The following MAG variants were observed in gnomAD, a reference collection of about 807,000 sequenced individuals.
The protein encoded by MAG is myelin-associated glycoprotein.
Under a neutral mutation model 60.7 loss-of-function variants are expected in MAG, and 30 were observed. The observed-to-expected ratio is 0.49, with a 90% CI of 0.37 to 0.67. The LOEUF (loss-of-function observed/expected upper bound fraction) is 0.67, where lower values mean the gene tolerates loss of function less well. Ranked by LOEUF, MAG falls within the 30% of genes least tolerant of loss-of-function variation. MAG has a pLI of 0.00. For synonymous variants in MAG, 384 were observed against 376.8 expected, an observed-to-expected ratio of 1.02 and a Z score of -0.22; for missense variants, 795 against 851.7, an observed-to-expected ratio of 0.93 and a Z score of 0.83.
chr19:35,313,150 T>C, intron 10 of MAG, 140 bp from the exon 11 acceptor site: 3 of 839,982 alleles, frequency 3.6e-6, no homozygotes, highest in Non-Finnish European at 5.2e-6. Context: ...TCGCTGGGCC[T>C]GCGGTCCTTG....
chr19:35,298,616 C>G (rs986771963), intron 4 of MAG, among the ~76,000 whole-genome samples: 10 of 151,422 alleles, frequency 6.6e-5, no homozygotes, highest in African/African-American at 2.4e-4. Context: ...ACTACCCACA[C>G]ACCACACACA....
chr19:35,306,766 C>T (rs567225778), intron 7 of MAG, among the ~76,000 whole-genome samples: 9 of 152,204 alleles, frequency 5.9e-5, no homozygotes, highest in Non-Finnish European at 1.0e-4. Context: ...AACACACTTG[C>T]GCGCCTATCT....
intron 4 of MAG, among the ~76,000 whole-genome samples, chr19:35,298,827 T>C (rs919133363): frequency 1.4e-5 from 2 of 141,090 alleles, no homozygotes; most frequent in Non-Finnish European, 3.1e-5. Context: ...ATACATGTAC[T>C]ACCCACACAT....
Position 35,307,186 on chromosome 19 carries a change from C to T in MAG, c.1232-2688C>T, listed in dbSNP as rs550498001. Reference sequence around the variant, plus strand: ...ACTCCGTGGCGTGTTAGCTGGTTAACGCTATAGCAAGCATATTGCAGCTCT... The same window carrying T: ...ACTCCGTGGCGTGTTAGCTGGTTAATGCTATAGCAAGCATATTGCAGCTCT... On this transcript the variant is annotated intron_variant, in intron 7 of 10. Transcript: ENST00000392213. Among the ~76,000 whole-genome samples the T allele has an allele frequency of 5.3e-5, 8 of 152,352 alleles. No homozygotes were observed. In the South Asian group the frequency reaches 1.0e-3, roughly 20 times the overall value.
intron 7 of MAG, among the ~76,000 whole-genome samples, chr19:35,303,356 A>G (rs2066462698): frequency 1.3e-5 from 2 of 152,196 alleles, no homozygotes; most frequent in African/African-American, 2.4e-5. Context: ...GAAGCGCTGT[A>G]CAGCAACCCA....
At position 35,313,751 on chromosome 19, in the gene MAG, A is replaced by C. The variant is rs2066547009; in HGVS notation, c.*297A>C. On this transcript the variant is annotated 3_prime_UTR_variant, in exon 11 of 11. Coordinates refer to ENST00000392213, the MANE Select transcript of MAG (RefSeq NM_002361.4). ...ACTTCCTGCCTGGTCTCCTGCCCCCACACCTGGCCCTGGGGCCTGTACAAA... is the reference window on the plus strand; with the variant it reads ...ACTTCCTGCCTGGTCTCCTGCCCCCCCACCTGGCCCTGGGGCCTGTACAAA... 6.9e-6 allele frequency: 2 copies of C among 288,548 alleles called. No individual in the cohort carries two copies. The highest frequency in any genetic ancestry group is 2.2e-5 in the African/African-American group (1 of 45,964). 17.9% of individuals were successfully genotyped at this position (288,548 alleles called of 1,614,324 possible). A position where few individuals can be genotyped will look rare whatever the true frequency, so the allele number is the denominator to read the frequency against.
intron 7 of MAG, among the ~76,000 whole-genome samples, chr19:35,308,366 G>A (rs1271429308): frequency 6.6e-6 from 1 of 152,250 alleles, no homozygotes; most frequent in Non-Finnish European, 1.5e-5. Flanking sequence ...GGCTGGAAAG[G>A]ACTAAGCCAG....
At chr19:35,302,419 C>T (rs2066454998) in intron 6 of MAG, 29 bp from the exon 7 acceptor site, 1 of 1,610,328 alleles carries the variant, frequency 6.2e-7, no homozygotes. Context: ...CTCCTGGGTT[C>T]TGACCATCAG....
intron 4 of MAG, among the ~76,000 whole-genome samples, chr19:35,296,777 C>T (rs955059428): frequency 6.6e-6 from 1 of 151,832 alleles, no homozygotes; most frequent in Non-Finnish European, 1.5e-5. Flanking sequence ...AGAAATCACA[C>T]ACTACACACT....
At position 35,300,217 on chromosome 19, in the gene MAG, TG is replaced by T; in HGVS notation, c.787del (p.Ala263LeufsTer9). On this transcript the variant is annotated frameshift_variant, in exon 6 of 11. Coordinates refer to ENST00000392213, the MANE Select transcript of MAG (RefSeq NM_002361.4). LOFTEE classifies it high-confidence loss of function. The part of the protein sequence containing the change: ...IEGSHVSLLC[G>X]ADSNPPPLLT... ...AGGGCTCCCACGTGAGCCTGCTCTG[TG>T]GGGCTGACAGCAACCCCCCGCCGCT... The T allele has an allele frequency of 6.3e-7, 1 of 1,585,086 alleles. No homozygotes were observed.
At position 35,299,778 on chromosome 19, in the gene MAG, A is replaced by C; in HGVS notation, c.640A>C (p.Arg214=). The C allele has an allele frequency of 6.5e-7, 1 of 1,546,828 alleles. No homozygotes were observed. Residue 214 remains arginine (R), a synonymous_variant, in exon 5 of 11, where the codon AGG becomes CGG. Coordinates refer to ENST00000392213, the MANE Select transcript of MAG (RefSeq NM_002361.4). ...FVPTREANGH[R]LGCQASFPNT... ...GCCCACGAGGGAGGCCAACGGCCAC[A>C]GGCTGGGCTGCCAGGCCTCCTTCCC... is the stretch of plus-strand genomic sequence containing the variant.
chr19:35,302,144 A>G (rs1285494964), intron 6 of MAG, among the ~76,000 whole-genome samples: 1 of 152,170 alleles, frequency 6.6e-6, no homozygotes, highest in African/African-American at 2.4e-5. Context: ...TTGGATGATC[A>G]CCCCTATGAG....
At position 35,310,549 on chromosome 19, in the gene MAG, C is replaced by T. The variant is rs2066519362; in HGVS notation, c.1522C>T (p.Arg508Ter). Residue 508 changes from arginine (R) to a stop codon, truncating the protein, a stop_gained and splice_region_variant, in exon 9 of 11, where the codon CGA becomes TGA. Transcript: ENST00000392213. LOFTEE classifies it high-confidence loss of function. ...SLELPFQGAHRLMWAKIGPVG... is the reference protein window; with the variant it reads ...SLELPFQGAH ...GCCTGGGTCTTTTCTGTCCTCAGAT[C>T]GACTGATGTGGGCCAAGATCGGGCC... is the stretch of plus-strand genomic sequence containing the variant. 6.2e-7 allele frequency: 1 copy of T among 1,614,112 alleles called. No homozygotes were observed. The highest frequency in any genetic ancestry group is 8.5e-7 in the Non-Finnish European group (1 of 1,179,994).
intron 4 of MAG, among the ~76,000 whole-genome samples, chr19:35,298,788 C>T (rs1246737377): frequency 6.9e-6 from 1 of 145,434 alleles, no homozygotes; most frequent in Non-Finnish European, 1.5e-5. Flanking sequence ...ACGACCCAAA[C>T]TACACAACAC....
rs2066516118 is a variant in MAG, at chr19:35,310,113, A to C, written c.1471A>C (p.Arg491=). 1 of 1,612,118 alleles carries C rather than the reference A, an allele frequency of 6.2e-7. No individual in the cohort carries two copies. Among genetic ancestry groups the C allele is most frequent in the South Asian group, 1.1e-5 (1 of 91,002 alleles). The change falls in exon 8 of 11, where the codon AGG becomes CGG. Residue 491 remains arginine (R), a synonymous_variant. Coordinates refer to ENST00000392213, the MANE Select transcript of MAG (RefSeq NM_002361.4). ...CCCGCCCCGCGTCATCTGCACCGCGAGGAACCTCTATGGCGCCAAGAGCCT... is the reference window on the plus strand; with the variant it reads ...CCCGCCCCGCGTCATCTGCACCGCGCGGAACCTCTATGGCGCCAAGAGCCT... ...QAPPRVICTA[R]NLYGAKSLEL... is the part of the protein sequence containing the mutation.
intron 7 of MAG, among the ~76,000 whole-genome samples, chr19:35,308,669 A>T (rs999707742): frequency 2.0e-5 from 3 of 152,246 alleles, no homozygotes; most frequent in Admixed American, 6.5e-5. Context: ...GGCTTTTTGC[A>T]AATTTGGCAC....
At position 35,311,314 on chromosome 19, in the gene MAG, A is replaced by G. The variant is rs1038887877; in HGVS notation, c.1617-604A>G. Among the ~76,000 whole-genome samples, 58 of 152,124 alleles carry G rather than the reference A, an allele frequency of 3.8e-4. 2 individuals carry two copies. The highest frequency in any genetic ancestry group is 5.9e-5 in the Non-Finnish European group (4 of 68,014). On this transcript the variant is annotated intron_variant, in intron 9 of 10. Coordinates refer to ENST00000392213, the MANE Select transcript of MAG (RefSeq NM_002361.4). ...GAGACCCCATCTACAAAAAAACAAA[A>G]AAATTAGCTACTAGTGGCACGTGCC...
chr19:35,298,745 C>T (rs1361893747), intron 4 of MAG, among the ~76,000 whole-genome samples: 2 of 150,630 alleles, frequency 1.3e-5, no homozygotes, highest in Admixed American at 1.3e-4. Flanking sequence ...ACACACCACA[C>T]ACACCACGTA....
rs986825704 is a variant in MAG, at chr19:35,295,659, G to A, written c.93G>A (p.Ser31=). The A allele has an allele frequency of 3.7e-6, 6 of 1,611,414 alleles. No individual in the cohort carries two copies. Among genetic ancestry groups the A allele is most frequent in the Admixed American group, 1.7e-5 (1 of 59,958 alleles). ...GTGCCTGGATGCCCTCGTCCATCTC[G>A]GCCTTCGAAGGCACGTGCGTCTCCA... ...HWGAWMPSSI[S]AFEGTCVSIP... Residue 31 remains serine (S), a synonymous_variant, in exon 4 of 11, where the codon TCG becomes TCA. Transcript: ENST00000392213. This position sits in a 1 kb window ranked among gnomAD's most constrained non-coding sequence, Gnocchi z 5.8.
Sources: allele counts gnomAD v4.1 joint callset (sites outside exome capture counted in the v4.1 genomes callset), GRCh38; gene constraint gnomAD v4.1.1; non-coding constraint Gnocchi (gnomAD v3.1); transcripts MANE v1.5; gene names NCBI Gene and HGNC (gene_info 2026-07-23, HGNC 2026-07-21).